The following CLVS1 variants were observed in gnomAD, a reference collection of about 807,000 sequenced individuals.
The protein encoded by CLVS1 is clavesin 1.
CLVS1 carries 10 observed loss-of-function variants against 33.1 expected under a neutral mutation model. That is an observed-to-expected ratio of 0.30 (90% CI 0.19 to 0.51). CLVS1 has a LOEUF of 0.51. Among genes scored for constraint, CLVS1 ranks in the 20% least tolerant of loss-of-function variants. The probability of loss-of-function intolerance (pLI) is 0.97; values close to 1 mark genes in which losing one functional copy is unlikely to be tolerated. For synonymous variants in CLVS1, 163 were observed against 166.1 expected, an observed-to-expected ratio of 0.98 and a Z score of 0.14; for missense variants, 343 against 433.4, an observed-to-expected ratio of 0.79 and a Z score of 1.85.
At chr8:61,272,263 G>T (rs907327471) in intron 2 of CLVS1, among the ~76,000 whole-genome samples, 3 of 151,974 alleles carry the variant, frequency 2.0e-5, no homozygotes, top group African/African-American at 7.3e-5. Context: ...AGCTTAGTTT[G>T]GCTGCATATG....
chr8:61,367,344 A>C (rs1813251990), intron 2 of CLVS1, among the ~76,000 whole-genome samples: 1 of 152,252 alleles, frequency 6.6e-6, no homozygotes, highest in East Asian at 1.9e-4. Flanking sequence ...TTGCACAGGA[A>C]AACTTTGCAT....
At chr8:61,156,844 A>T (rs1326060766) in intron 2 of CLVS1, among the ~76,000 whole-genome samples, 2 of 152,212 alleles carry the variant, frequency 1.3e-5, no homozygotes, top group Admixed American at 6.5e-5. Flanking sequence ...AGGGCAGCAT[A>T]AAAAACTCTC....
intron 2 of CLVS1, among the ~76,000 whole-genome samples, chr8:61,143,027 C>T (rs113460328): frequency 1.8e-4 from 28 of 152,266 alleles, no homozygotes; most frequent in African/African-American, 6.3e-4. Context: ...GTTTTCTCTT[C>T]AGCTATTGAT....
chr8:61,119,116 C>T (rs1334047909), intron 1 of CLVS1, among the ~76,000 whole-genome samples: 2 of 152,296 alleles, frequency 1.3e-5, no homozygotes, highest in Middle Eastern at 3.4e-3. Context: ...GATCCCTTTA[C>T]CATTATGTAA....
chr8:61,222,128 A>G (rs1366528610), intron 2 of CLVS1, among the ~76,000 whole-genome samples: 1 of 151,844 alleles, frequency 6.6e-6, no homozygotes, highest in Non-Finnish European at 1.5e-5. Context: ...TTCTTTAAAA[A>G]CCAGCTCCTG....
intron 5 of CLVS1, among the ~76,000 whole-genome samples, chr8:61,494,876 A>G (rs1019475876): frequency 6.6e-6 from 1 of 152,234 alleles, no homozygotes; most frequent in Non-Finnish European, 1.5e-5. Context: ...CCAGGTAACT[A>G]GAATTATGTC....
intron 1 of CLVS1, among the ~76,000 whole-genome samples, chr8:61,125,754 G>A (rs1044208785): frequency 5.3e-5 from 8 of 152,084 alleles, no homozygotes; most frequent in African/African-American, 1.9e-4. Flanking sequence ...TTTCTATGAG[G>A]GAATTTTAAA....
intron 2 of CLVS1, among the ~76,000 whole-genome samples, chr8:61,371,112 A>G (rs946510196): frequency 1.3e-5 from 2 of 152,218 alleles, no homozygotes; most frequent in African/African-American, 4.8e-5. Flanking sequence ...CATTCCCACC[A>G]GCAGTGTAAA....
intron 1 of CLVS1, among the ~76,000 whole-genome samples, chr8:61,104,455 T>C (rs553332408): frequency 8.5e-5 from 13 of 152,304 alleles, no homozygotes; most frequent in Middle Eastern, 3.4e-3. Context: ...CTCCAACAGA[T>C]GTGATTTTGA....
chr8:61,275,743 C>T (rs1809550741), intron 2 of CLVS1, among the ~76,000 whole-genome samples: 1 of 152,168 alleles, frequency 6.6e-6, no homozygotes, highest in Non-Finnish European at 1.5e-5. Flanking sequence ...GCATTTCTTT[C>T]TATAAGCTTA....
the CLVS1 span, among the ~76,000 whole-genome samples, chr8:61,050,606 T>C: frequency 6.6e-6 from 1 of 151,612 alleles, no homozygotes; most frequent in African/African-American, 2.4e-5. Flanking sequence ...GCAGTCTCCA[T>C]GCATAGAGAG....
chr8:61,033,101 TAGAA>T, the CLVS1 span, among the ~76,000 whole-genome samples: 800 of 30,936 alleles, frequency 0.026, 39 homozygotes, highest in African/African-American at 0.075. Context: ...GAAAGAAAGA[TAGAA>T]AGAAAGAAGG....
chr8:60,974,638 C>T, the CLVS1 span, among the ~76,000 whole-genome samples: 3 of 152,174 alleles, frequency 2.0e-5, no homozygotes, highest in African/African-American at 7.2e-5. Context: ...TGTCATTGGC[C>T]ACTTTGTTTT....
At chr8:61,478,975 T>C (rs1001767688) in intron 5 of CLVS1, among the ~76,000 whole-genome samples, 12 of 152,254 alleles carry the variant, frequency 7.9e-5, no homozygotes, top group African/African-American at 2.4e-4. Flanking sequence ...GGCTTCCCTT[T>C]GTGGGTAACC....
At chr8:61,427,927 C>T (rs1815954746) in intron 3 of CLVS1, among the ~76,000 whole-genome samples, 1 of 152,218 alleles carries the variant, frequency 6.6e-6, no homozygotes, top group Non-Finnish European at 1.5e-5. Context: ...ATCAATGTTC[C>T]TTCCTCCGCC....
chr8:61,384,662 T>C (rs571997439), intron 3 of CLVS1, among the ~76,000 whole-genome samples: 4 of 152,240 alleles, frequency 2.6e-5, no homozygotes, highest in African/African-American at 9.6e-5. Flanking sequence ...GAATTTAAGA[T>C]ACTGTGGATA....
At chr8:61,057,336 T>G (rs1804491231) in intron 1 of CLVS1, 1 of 151,526 alleles carries the variant, frequency 6.6e-6, no homozygotes, top group African/African-American at 2.4e-5. Flanking sequence ...ACAATTTCTA[T>G]TGATTGAGCC....
chr8:61,161,596 A>C (rs2129296711), intron 2 of CLVS1, among the ~76,000 whole-genome samples: 1 of 152,354 alleles, frequency 6.6e-6, no homozygotes, highest in East Asian at 1.9e-4. Flanking sequence ...AGTCTAAAAA[A>C]GTGGAATTCA....
At chr8:61,249,604 A>G (rs938220624) in intron 2 of CLVS1, among the ~76,000 whole-genome samples, 1 of 152,114 alleles carries the variant, frequency 6.6e-6, no homozygotes, top group African/African-American at 2.4e-5. Flanking sequence ...CTTTTTAATG[A>G]TTGCCATTCT....
Sources: gnomAD v4.1 joint callset for allele counts (sites outside exome capture counted in the v4.1 genomes callset) on GRCh38, gnomAD v4.1.1 for gene constraint, MANE v1.5 for transcripts, NCBI Gene and HGNC (gene_info 2026-07-23, HGNC 2026-07-21) for gene names.